The following C2orf49 variants were observed in gnomAD, a reference collection of about 807,000 sequenced individuals.
The protein encoded by C2orf49 is tRNA splicing ligase complex subunit 2.
A neutral mutation model predicts 20.6 loss-of-function variants in C2orf49; 11 were observed. That is an observed-to-expected ratio of 0.53 (90% CI 0.34 to 0.88). The LOEUF is 0.88. Among genes scored for constraint, C2orf49 ranks in the 40% least tolerant of loss-of-function variants. The probability of loss-of-function intolerance (pLI) is 0.02; values close to 1 mark genes in which losing one functional copy is unlikely to be tolerated. For missense variants in C2orf49, 289 were observed against 274.2 expected (o/e 1.05, Z -0.38); for synonymous variants, 134 against 108.5 (o/e 1.24, Z -1.46).
At chr2:105,360,604 C>T in the C2orf49 span, 1 of 152,508 alleles carries the variant, frequency 6.6e-6, no homozygotes, top group South Asian at 2.1e-4. Context: ...GATCCACCCG[C>T]CTTGGCCTCC....
chr2:105,343,373 C>A, intron 3 of C2orf49, 150 bp downstream of exon 3: 1 of 632,218 alleles, frequency 1.6e-6, no homozygotes, highest in Non-Finnish European at 2.4e-6. Context: ...ACTTATTACT[C>A]CAGTACTTGA....
chr2:105,376,070 C>T, the C2orf49 span: 1 of 152,168 alleles, frequency 6.6e-6, no homozygotes, highest in Non-Finnish European at 1.5e-5. Flanking sequence ...ATGCACACGC[C>T]CCGGCTTCAA....
the C2orf49 span, chr2:105,360,842 T>C: frequency 6.4e-6 from 1 of 156,462 alleles, no homozygotes; most frequent in East Asian, 1.9e-4. Context: ...TCTGAATAAC[T>C]TTATTGCAAG....
At chr2:105,368,020 T>TA in the C2orf49 span, among the ~76,000 whole-genome samples, 1 of 152,128 alleles carries the variant, frequency 6.6e-6, no homozygotes, top group African/African-American at 2.4e-5. Flanking sequence ...ATGTTAAATC[T>TA]AAAAAAAGTT....
chr2:105,371,546 A>ATCTCTCTCTCTC, the C2orf49 span, among the ~76,000 whole-genome samples: 754 of 141,042 alleles, frequency 5.3e-3, 9 homozygotes, highest in South Asian at 0.027. Context: ...ATCCCTTGAA[A>ATCTCTCTCTCTC]TCTCTCTCTC....
At chr2:105,350,864 G>A (rs1679915890), downstream of C2orf49, among the ~76,000 whole-genome samples, 1 of 152,082 alleles carries the variant, frequency 6.6e-6, no homozygotes, top group Admixed American at 6.6e-5. Flanking sequence ...TACCTTTGTT[G>A]AAATGACTCA....
chr2:105,352,915 G>C (rs188751994), downstream of C2orf49, among the ~76,000 whole-genome samples: 6 of 152,188 alleles, frequency 3.9e-5, no homozygotes, highest in South Asian at 4.1e-4. Flanking sequence ...CAAACAACTG[G>C]ATTTTTCTTG....
At chr2:105,385,578 G>A in the C2orf49 span, among the ~76,000 whole-genome samples, 1 of 152,206 alleles carries the variant, frequency 6.6e-6, no homozygotes, top group Non-Finnish European at 1.5e-5. Flanking sequence ...CCAGTTTCAC[G>A]GCACTCAGGA....
chr2:105,339,022 T>G (rs185685312), intron 1 of C2orf49, among the ~76,000 whole-genome samples: 1 of 152,364 alleles, frequency 6.6e-6, no homozygotes, highest in Admixed American at 6.5e-5. Flanking sequence ...GGTGCAGGCT[T>G]TTCTAATGAT....
Position 105,342,873 on chromosome 2 carries a change from A to G in C2orf49, c.292A>G (p.Lys98Glu). The G allele has an allele frequency of 6.2e-7, 1 of 1,614,064 alleles. No individual in the cohort carries two copies. The highest frequency in any genetic ancestry group is 2.2e-5 in the East Asian group (1 of 44,884). The change falls in exon 3 of 4, where the codon AAA (lysine) becomes GAA (glutamate). Residue 98 changes from lysine (K) to glutamate (E), a missense_variant. Coordinates refer to ENST00000258457, the MANE Select transcript of C2orf49 (RefSeq NM_024093.3). ...KRSSTVDGLR[K>E]RPLIVFDGSS... ...GAGTAGCACTGTAGATGGGTTAAGG[A>G]AAAGACCCCTCATCGTATTTGATGG...
chr2:105,360,879 G>A, the C2orf49 span: 2 of 157,778 alleles, frequency 1.3e-5, no homozygotes, highest in Non-Finnish European at 2.8e-5. Context: ...TAGACTTGAC[G>A]CAACGGGAGG....
Position 105,345,382 on chromosome 2 carries a change from C to T in C2orf49, c.*11C>T, listed in dbSNP as rs753425245. ...GTTACTTGGCCCTGAAGAAAAGTTT[C>T]CAAAAATGTAAATATACTGTAACTG... On this transcript the variant is annotated 3_prime_UTR_variant, in exon 4 of 4. Transcript: ENST00000258457. The T allele has an allele frequency of 3.7e-6, 6 of 1,604,996 alleles. No individual in the cohort carries two copies. Among genetic ancestry groups the T allele is most frequent in the Non-Finnish European group, 5.1e-6 (6 of 1,173,862 alleles).
the C2orf49 span, among the ~76,000 whole-genome samples, chr2:105,354,939 A>G: frequency 1.2e-4 from 18 of 152,222 alleles, no homozygotes; most frequent in African/African-American, 3.6e-4. Context: ...GGGAAAAAAC[A>G]TGGGTTTTTC....
At chr2:105,370,901 C>T in the C2orf49 span, among the ~76,000 whole-genome samples, 2 of 152,126 alleles carry the variant, frequency 1.3e-5, no homozygotes. Flanking sequence ...CAGGGTCTGA[C>T]GCCTGTGTGT....
chr2:105,352,776 A>C (rs1679968466), downstream of C2orf49, among the ~76,000 whole-genome samples: 1 of 152,080 alleles, frequency 6.6e-6, no homozygotes, highest in African/African-American at 2.4e-5. Context: ...CCAGTTGTTC[A>C]ATCTAGATAA....
chr2:105,361,363 A>G, the C2orf49 span: 2 of 1,614,060 alleles, frequency 1.2e-6, no homozygotes, highest in Non-Finnish European at 8.5e-7. Flanking sequence ...GAGAGGGAGC[A>G]CTTCTTACAG....
the C2orf49 span, chr2:105,361,300 A>C: frequency 1.2e-6 from 2 of 1,613,376 alleles, no homozygotes; most frequent in Non-Finnish European, 1.7e-6. Context: ...TCTTTCCCAC[A>C]GTCGGGGCAC....
At chr2:105,369,696 C>A in the C2orf49 span, among the ~76,000 whole-genome samples, 1 of 152,208 alleles carries the variant, frequency 6.6e-6, no homozygotes, top group African/African-American at 2.4e-5. Context: ...AACCTCCATG[C>A]ATACTTTTGT....
At chr2:105,367,085 A>G in the C2orf49 span, among the ~76,000 whole-genome samples, 3 of 152,198 alleles carry the variant, frequency 2.0e-5, no homozygotes, top group Non-Finnish European at 4.4e-5. Flanking sequence ...GAGTAGATAC[A>G]TTTAATAAAT....
Sources: gnomAD v4.1 joint callset for allele counts (sites outside exome capture counted in the v4.1 genomes callset) on GRCh38, gnomAD v4.1.1 for gene constraint, MANE v1.5 for transcripts, NCBI Gene and HGNC (gene_info 2026-07-23, HGNC 2026-07-21) for gene names.